SYNE1: variants seen among roughly 807,000 people sequenced by gnomAD.
SYNE1 encodes the protein nesprin-1.
A neutral mutation model predicts 1,111.0 loss-of-function variants in SYNE1; 616 were observed. The ratio of observed to expected loss-of-function variants is 0.55; its 90% confidence interval spans 0.52 to 0.59. The LOEUF is 0.59. Ranked by LOEUF, SYNE1 falls within the 20% of genes least tolerant of loss-of-function variation. The pLI is 0.00. For synonymous variants in SYNE1, 3,855 were observed against 3,825.8 expected (o/e 1.01, Z -0.28); for missense variants, 10,006 against 10,417.0 (o/e 0.96, Z 1.72).
At chr6:152,128,137 T>G (rs2054170534) in intron 145 of SYNE1, 1 of 152,218 alleles carries the variant, frequency 6.6e-6, no homozygotes, top group South Asian at 2.1e-4. Context: ...AGTAGTGTTT[T>G]GAAGAATTAA....
Position 152,425,455 on chromosome 6 carries a change from A to G in SYNE1, c.5193T>C (p.Asp1731=). The change falls in exon 39 of 146, where the codon GAT becomes GAC. Residue 1731 remains aspartate (D), a synonymous_variant. Transcript: ENST00000367255. ...CCAAATGTAGTTTCATCATTTTCAC[A>G]TCATCTTTGGAGGCTACTGAGAACA... ...ESLFSVASKD[D]VKMMKLHLEQ... is the part of the protein sequence containing the mutation. 6.2e-7 allele frequency: 1 copy of G among 1,614,186 alleles called. No individual in the cohort carries two copies. The highest frequency in any genetic ancestry group is 8.5e-7 in the Non-Finnish European group (1 of 1,180,026).
In SYNE1 at chr6:152,356,474, TA is replaced by T. The variant is rs1380157854; in HGVS notation, c.10609-1499del. 2.0e-5 allele frequency among the ~76,000 whole-genome samples: 3 copies of T among 147,974 alleles called. No homozygotes were observed. In the Admixed American group the frequency reaches 2.0e-4, roughly 10 times the overall value. On this transcript the variant is annotated intron_variant, in intron 66 of 145. Coordinates refer to ENST00000367255, the MANE Select transcript of SYNE1 (RefSeq NM_182961.4). ...TATATATATAATATTGTTAAATATA[TA>T]AAATCTATAAGTAACATAAATGTGT...
intron 97 of SYNE1, among the ~76,000 whole-genome samples, chr6:152,281,209 T>C (rs1051864733): frequency 2.0e-5 from 3 of 152,344 alleles, no homozygotes; most frequent in African/African-American, 7.2e-5. Context: ...TTTATACTTA[T>C]ATGCATTTTT....
Position 152,149,515 on chromosome 6 carries a change from G to A in SYNE1, c.24604C>T (p.Arg8202Cys), listed in dbSNP as rs1280986749. ...LRRYCQEVFG[R>C]VERYHKKLIR... is the part of the protein sequence containing the mutation. Reference sequence around the variant, plus strand: ...AGTTTCTTATGGTATCTTTCCACACGCCCGAAGACCTCCTGGCAGTACCGT... The same window carrying A: ...AGTTTCTTATGGTATCTTTCCACACACCCGAAGACCTCCTGGCAGTACCGT... Residue 8202 changes from arginine to cysteine, a missense_variant, in exon 136 of 146, where the codon CGT becomes TGT. Arg to Cys is a radical substitution (Grantham distance 180). This residue lies in a region of SYNE1 where 761 missense variants were observed against 795.5 expected (regional missense o/e 0.96). Transcript: ENST00000367255. The A allele has an allele frequency of 5.0e-6, 8 of 1,613,912 alleles. No homozygotes were observed. The highest frequency in any genetic ancestry group is 1.7e-5 in the Admixed American group (1 of 59,988).
chr6:152,449,482 T>G (rs777891196), intron 28 of SYNE1, 51 bp downstream of exon 28: 2 of 1,299,258 alleles, frequency 1.5e-6, no homozygotes, highest in Admixed American at 1.7e-5. Flanking sequence ...TCTAACATTA[T>G]TCTTCCACTA....
intron 80 of SYNE1, among the ~76,000 whole-genome samples, chr6:152,325,532 A>C (rs2096041467): frequency 1.3e-5 from 2 of 152,234 alleles, no homozygotes; most frequent in Non-Finnish European, 2.9e-5. Flanking sequence ...TAAAAACAAA[A>C]GTGTATTTTG....
At chr6:152,613,094 A>C (rs61497628) in intron 3 of SYNE1, among the ~76,000 whole-genome samples, 1,567 of 152,278 alleles carry the variant, frequency 0.01, 24 homozygotes, top group African/African-American at 0.036. Context: ...GCACAAGACA[A>C]GGATGCCCTC....
intron 127 of SYNE1, among the ~76,000 whole-genome samples, chr6:152,198,568 T>C (rs1398408318): frequency 1.3e-5 from 2 of 152,228 alleles, no homozygotes; most frequent in African/African-American, 4.8e-5. Context: ...CTAAGCTTAA[T>C]CATTTCTAGC....
intron 9 of SYNE1, 64 bp from the exon 10 acceptor site, chr6:152,502,806 G>T: frequency 8.1e-7 from 1 of 1,230,194 alleles, no homozygotes; most frequent in South Asian, 1.2e-5. Flanking sequence ...GATAATACAA[G>T]TTTGGTATCT....
At chr6:152,244,950 A>G (rs1433246454) in intron 105 of SYNE1, among the ~76,000 whole-genome samples, 1 of 152,168 alleles carries the variant, frequency 6.6e-6, no homozygotes, top group Non-Finnish European at 1.5e-5. Context: ...GGGAGTTTTG[A>G]AAAGCAATAG....
In SYNE1 at chr6:152,483,079, T is replaced by C. The variant is rs2098917839; in HGVS notation, c.1350+6A>G. On this transcript the variant is annotated splice_donor_region_variant and intron_variant, in intron 14 of 145. Transcript: ENST00000367255. ...TGCTGCAAGGTTTTCCAACCAGAAT[T>C]TTTACCTTATGTTGCTCAAGTTTCC... 6.2e-7 allele frequency: 1 copy of C among 1,614,054 alleles called. No individual in the cohort carries two copies. Among genetic ancestry groups the C allele is most frequent in the Non-Finnish European group, 8.5e-7 (1 of 1,180,018 alleles).
chr6:152,233,822 G>A lies in SYNE1; in HGVS notation c.20671C>T (p.Leu6891=). 3 of 1,614,180 alleles carry A rather than the reference G, an allele frequency of 1.9e-6. No individual in the cohort carries two copies. The highest frequency in any genetic ancestry group is 2.5e-6 in the Non-Finnish European group (3 of 1,180,040). The part of the protein sequence containing the change: ...LSRIDSQWTD[L]LTNIPAVQEK... ...TGGACGGCTGGGATATTGGTTAGCA[G>A]GTCAGTCCACTGGCTATCAATGCGC... Residue 6891 remains leucine (L), a synonymous_variant, in exon 112 of 146, where the codon CTG becomes TTG. Transcript: ENST00000367255.
chr6:152,395,448 C>T, intron 51 of SYNE1, 68 bp downstream of exon 51: 6 of 1,532,744 alleles, frequency 3.9e-6, no homozygotes, highest in South Asian at 2.5e-5. Context: ...AAAACCAAAC[C>T]AACCAACCAA....
chr6:152,363,723 C>G, intron 63 of SYNE1: 1 of 454,714 alleles, frequency 2.2e-6, no homozygotes, highest in South Asian at 1.6e-5. Context: ...CATTCTCTAG[C>G]CCCTGATGTA....
At chr6:152,489,192 T>C (rs2098956835) in intron 11 of SYNE1, among the ~76,000 whole-genome samples, 1 of 152,218 alleles carries the variant, frequency 6.6e-6, no homozygotes, top group Non-Finnish European at 1.5e-5. Flanking sequence ...ACTGATTTAG[T>C]GAAAATATCC....
chr6:152,419,721 T>A lies in SYNE1; in HGVS notation c.5269A>T (p.Ile1757Phe), dbSNP rs1196594228. ...RDLPQIINKR[I>F]NFLQSVVAEH... ...GCAACCACAGACTGAAGAAAATTAATCCTATGTAGACAAAGTATTAAAGTT... is the reference window on the plus strand; with the variant it reads ...GCAACCACAGACTGAAGAAAATTAAACCTATGTAGACAAAGTATTAAAGTT... The change falls in exon 40 of 146, where the codon ATT (isoleucine) becomes TTT (phenylalanine). Residue 1757 changes from isoleucine (I) to phenylalanine (F), a missense_variant and splice_region_variant. By Grantham distance (21) the Ile-to-Phe change is conservative. This residue lies in a region of SYNE1 where 1,971 missense variants were observed against 2,084.1 expected (regional missense o/e 0.95). Transcript: ENST00000367255. The A allele has an allele frequency of 1.2e-6, 2 of 1,613,892 alleles. No homozygotes were observed. Among genetic ancestry groups the A allele is most frequent in the Admixed American group, 3.3e-5 (2 of 60,016 alleles).
chr6:152,534,653 C>T (rs2099225090), intron 4 of SYNE1, among the ~76,000 whole-genome samples: 1 of 152,082 alleles, frequency 6.6e-6, no homozygotes, highest in Non-Finnish European at 1.5e-5. Flanking sequence ...TTGCATTTAC[C>T]TTTTCCTCTT....
chr6:152,313,417 G>GGTTCTCAC (rs151133862), intron 87 of SYNE1, among the ~76,000 whole-genome samples: 81 of 151,592 alleles, frequency 5.3e-4, no homozygotes, highest in African/African-American at 1.6e-3. Flanking sequence ...AAGTCACTCT[G>GGTTCTCAC]GTTCTCACAT....
Position 152,341,973 on chromosome 6 carries a change from C to A in SYNE1, c.12225+2108G>T, listed in dbSNP as rs372660891. ...GGAAAAACTAAAACAAAAGAAATAACAACAAAAAATAAAAAATAAAAAAAG... is the reference window on the plus strand; with the variant it reads ...GGAAAAACTAAAACAAAAGAAATAAAAACAAAAAATAAAAAATAAAAAAAG... On this transcript the variant is annotated intron_variant, in intron 74 of 145. Coordinates refer to ENST00000367255, the MANE Select transcript of SYNE1 (RefSeq NM_182961.4). Among the ~76,000 whole-genome samples the A allele has an allele frequency of 6.6e-5, 10 of 151,908 alleles. 1 individual carries two copies. The East Asian group carries it at 1.7e-3, about 26-fold the overall frequency.
Sources: allele counts gnomAD v4.1 joint callset (sites outside exome capture counted in the v4.1 genomes callset), GRCh38; gene constraint gnomAD v4.1.1; regional missense constraint gnomAD v4.1.1; transcripts MANE v1.5; gene names NCBI Gene and HGNC (gene_info 2026-07-23, HGNC 2026-07-21).